Variants in APOLD1 observed in about 807,000 individuals in gnomAD.
The protein encoded by APOLD1 is apolipoprotein L domain-containing protein 1.
Under a neutral mutation model 15.3 loss-of-function variants are expected in APOLD1, and 22 were observed. That is an observed-to-expected ratio of 1.44 (90% CI 1.03 to 2.05). APOLD1 has a LOEUF of 2.05. APOLD1 is among the 30% of genes most tolerant of loss of function. The probability of loss-of-function intolerance (pLI) is 0.00; values close to 1 mark genes in which losing one functional copy is unlikely to be tolerated. For synonymous variants in APOLD1, 190 were observed against 167.4 expected (o/e 1.13, Z -1.04); for missense variants, 394 against 353.5 (o/e 1.11, Z -0.92).
At chr12:12,785,185 C>G (rs1280203196), upstream of APOLD1, among the ~76,000 whole-genome samples, 3 of 152,194 alleles carry the variant, frequency 2.0e-5, no homozygotes, top group Admixed American at 1.3e-4. Context: ...CAGCCACTCA[C>G]AGATTCACAA....
chr12:12,777,920 TTTTTTGTTG>T (rs1947049474), intron 1 of APOLD1, among the ~76,000 whole-genome samples: 1 of 129,040 alleles, frequency 7.7e-6, no homozygotes, highest in Non-Finnish European at 1.7e-5. Context: ...TTTTTTTTTT[TTTTTTGTTG>T]TTGTTGTTTT....
At chr12:12,781,021 T>G (rs1241013171), upstream of APOLD1, among the ~76,000 whole-genome samples, 1 of 152,170 alleles carries the variant, frequency 6.6e-6, no homozygotes, top group African/African-American at 2.4e-5. Flanking sequence ...CACTATGAAT[T>G]AATATTTTAT....
intron 1 of APOLD1, among the ~76,000 whole-genome samples, chr12:12,745,056 A>C (rs1042049951): frequency 2.6e-5 from 4 of 152,174 alleles, no homozygotes; most frequent in Non-Finnish European, 5.9e-5. Flanking sequence ...AAATGTATTA[A>C]AATAATGTAC....
At chr12:12,746,757 C>T (rs997268450) in intron 1 of APOLD1, among the ~76,000 whole-genome samples, 8 of 152,080 alleles carry the variant, frequency 5.3e-5, no homozygotes, top group Admixed American at 2.6e-4. Context: ...GAACGTAGTA[C>T]CTGATAGGTA....
intron 1 of APOLD1, among the ~76,000 whole-genome samples, chr12:12,776,073 T>C (rs895444869): frequency 2.8e-5 from 4 of 140,486 alleles, no homozygotes; most frequent in Non-Finnish European, 6.3e-5. Context: ...ATAAGGAGAA[T>C]AATAATGACC....
chr12:12,785,571 T>C (rs1240297415), upstream of APOLD1: 22 of 1,594,708 alleles, frequency 1.4e-5, no homozygotes, highest in Non-Finnish European at 1.7e-5. Context: ...TGACAGGAAA[T>C]GGCAAATTCT....
intron 1 of APOLD1, among the ~76,000 whole-genome samples, chr12:12,735,935 A>G (rs2136370534): frequency 6.6e-6 from 1 of 152,268 alleles, no homozygotes; most frequent in Middle Eastern, 3.4e-3. Context: ...TGACAGAGTG[A>G]GATCTTGTCT....
chr12:12,775,651 T>A (rs1947025827), intron 1 of APOLD1, among the ~76,000 whole-genome samples: 1 of 152,154 alleles, frequency 6.6e-6, no homozygotes, highest in African/African-American at 2.4e-5. Context: ...ATAAAATCAT[T>A]TTCTTACCTA....
chr12:12,782,549 C>T (rs1285163431), upstream of APOLD1, among the ~76,000 whole-genome samples: 1 of 152,306 alleles, frequency 6.6e-6, no homozygotes, highest in South Asian at 2.1e-4. Context: ...CAACTTGTCT[C>T]TACAAAAAGT....
intron 1 of APOLD1, among the ~76,000 whole-genome samples, chr12:12,732,361 C>T (rs555325236): frequency 7.9e-5 from 12 of 152,108 alleles, no homozygotes; most frequent in East Asian, 5.8e-4. Flanking sequence ...CTGTTATTAC[C>T]GTTAAGAAAA....
intron 1 of APOLD1, among the ~76,000 whole-genome samples, chr12:12,742,788 A>T (rs1946738136): frequency 6.7e-6 from 1 of 148,232 alleles, no homozygotes; most frequent in Non-Finnish European, 1.5e-5. Flanking sequence ...GGCCCTGGTC[A>T]GGGTCTCACT....
chr12:12,769,584 A>C (rs923471644), intron 1 of APOLD1, among the ~76,000 whole-genome samples: 1 of 152,130 alleles, frequency 6.6e-6, no homozygotes, highest in Non-Finnish European at 1.5e-5. Flanking sequence ...CGATCCTCTC[A>C]TGCTTCCAAC....
At chr12:12,738,676 G>A (rs1946708861) in intron 1 of APOLD1, among the ~76,000 whole-genome samples, 2 of 148,132 alleles carry the variant, frequency 1.4e-5, no homozygotes, top group African/African-American at 5.0e-5. Flanking sequence ...ATTGATTCTT[G>A]TATCTGAAAT....
chr12:12,733,499 T>A lies in APOLD1; in HGVS notation c.96+7403T>A, dbSNP rs115272476. 4.3e-3 allele frequency among the ~76,000 whole-genome samples: 652 copies of A among 152,354 alleles called. 7 individuals are homozygous for A. Among genetic ancestry groups the A allele is most frequent in the African/African-American group, 0.015 (608 of 41,574 alleles). ...CCACATTAACATCTGTAGTTCCTAT[T>A]TCTGAGGGCAGGATTATGAAGAGAC... On this transcript the variant is annotated intron_variant, in intron 1 of 1. Coordinates refer to the APOLD1 transcript ENST00000326765.
chr12:12,743,927 C>T (rs1224883723), intron 1 of APOLD1, among the ~76,000 whole-genome samples: 1 of 152,186 alleles, frequency 6.6e-6, no homozygotes, highest in African/African-American at 2.4e-5. Flanking sequence ...GATTCTCCCC[C>T]AGAGCCTCCA....
At chr12:12,768,815 C>CTT (rs1165060525) in intron 1 of APOLD1, among the ~76,000 whole-genome samples, 7 of 144,464 alleles carry the variant, frequency 4.8e-5, no homozygotes, top group South Asian at 2.2e-4. Flanking sequence ...AGGTAGTTTA[C>CTT]TTTTTTTTTT....
rs1947185030 is a variant in APOLD1, at chr12:12,791,244, G to A, written c.*3592G>A. On this transcript the variant is annotated 3_prime_UTR_variant, in exon 2 of 2. Transcript: ENST00000356591. ...AGTATTTACTGGGAGAAAAAAGAGA[G>A]GAGTGGTTGTAGAAGTCTCCCTAAA... 6.6e-6 allele frequency: 1 copy of A among 152,190 alleles called. No homozygotes were observed. The highest frequency in any genetic ancestry group is 1.5e-5 in the Non-Finnish European group (1 of 68,034). The allele number at this position is 152,190 out of a possible 1,614,324, so 9.4% of individuals were successfully genotyped here.
At chr12:12,736,368 AAC>A (rs142627190) in intron 1 of APOLD1, among the ~76,000 whole-genome samples, 59,322 of 145,330 alleles carry the variant, frequency 0.41, 12,102 homozygotes, top group East Asian at 0.5. Context: ...AACAAAACAA[AAC>A]AAAAAAACTA....
chr12:12,768,178 A>G (rs1946955382), intron 1 of APOLD1, among the ~76,000 whole-genome samples: 1 of 152,214 alleles, frequency 6.6e-6, no homozygotes, highest in Non-Finnish European at 1.5e-5. Context: ...GCTGAGGGAC[A>G]ACTGTACAAA....
Sources: gnomAD v4.1 joint callset for allele counts (sites outside exome capture counted in the v4.1 genomes callset) on GRCh38, gnomAD v4.1.1 for gene constraint, MANE v1.5 for transcripts, NCBI Gene and HGNC (gene_info 2026-07-23, HGNC 2026-07-21) for gene names.